Variants in ROBO2 observed in about 807,000 individuals in gnomAD.
The protein encoded by ROBO2 is roundabout guidance receptor 2, also known as roundabout homolog 2.
In ROBO2, 53 loss-of-function variants were observed where a neutral mutation model predicts 160.8. The observed-to-expected ratio is 0.33, with a 90% CI of 0.26 to 0.41. ROBO2 has a LOEUF of 0.41. Among genes scored for constraint, ROBO2 ranks in the 10% least tolerant of loss-of-function variants. ROBO2 has a pLI of 1.00. For synonymous variants in ROBO2, 664 were observed against 611.7 expected, an observed-to-expected ratio of 1.09 and a Z score of -1.26; for missense variants, 1,577 against 1,722.4, an observed-to-expected ratio of 0.92 and a Z score of 1.49.
chr3:76,592,026 C>T (rs6773013), intron 2 of ROBO2, among the ~76,000 whole-genome samples: 147,686 of 152,132 alleles, frequency 0.97, 71,844 homozygotes, highest in East Asian at 1. Context: ...GCTTAGGAAA[C>T]GTGTAAATAC....
intron 2 of ROBO2, among the ~76,000 whole-genome samples, chr3:77,441,595 A>G (rs932842266): frequency 2.0e-5 from 3 of 152,172 alleles, no homozygotes; most frequent in African/African-American, 7.2e-5. Context: ...AATGAGCTGT[A>G]CTGCATAAGA....
intron 2 of ROBO2, among the ~76,000 whole-genome samples, chr3:77,000,585 T>C (rs1211524015): frequency 6.6e-6 from 1 of 152,196 alleles, no homozygotes; most frequent in Non-Finnish European, 1.5e-5. Flanking sequence ...TCATGACTTT[T>C]TTTCTAAGCA....
intron 2 of ROBO2, among the ~76,000 whole-genome samples, chr3:76,997,490 T>G (rs1376840291): frequency 1.3e-5 from 2 of 152,190 alleles, no homozygotes; most frequent in Non-Finnish European, 2.9e-5. Context: ...CGTATGATGC[T>G]AAATTAGAAG....
chr3:77,030,893 C>G (rs1227624628), intron 2 of ROBO2, among the ~76,000 whole-genome samples: 1 of 152,052 alleles, frequency 6.6e-6, no homozygotes, highest in East Asian at 1.9e-4. Flanking sequence ...TTTGAAGGAC[C>G]CTATTCAACC....
At chr3:76,899,564 A>C (rs2148866014) in intron 2 of ROBO2, among the ~76,000 whole-genome samples, 1 of 152,316 alleles carries the variant, frequency 6.6e-6, no homozygotes, top group Non-Finnish European at 1.5e-5. Context: ...TTTCATAGAA[A>C]GGATAATGCT....
intron 2 of ROBO2, among the ~76,000 whole-genome samples, chr3:76,979,832 T>C (rs999375982): frequency 3.9e-5 from 6 of 152,088 alleles, no homozygotes; most frequent in African/African-American, 1.2e-4. Context: ...TTTCTTTTAT[T>C]GAGTGTAAAC....
chr3:77,026,452 G>A (rs984955622), intron 2 of ROBO2, among the ~76,000 whole-genome samples: 9 of 152,134 alleles, frequency 5.9e-5, no homozygotes, highest in African/African-American at 1.7e-4. Context: ...AGCATGATGG[G>A]TTAGACCAGA....
At chr3:76,868,287 C>T (rs547778689) in intron 2 of ROBO2, among the ~76,000 whole-genome samples, 4 of 152,160 alleles carry the variant, frequency 2.6e-5, no homozygotes, top group African/African-American at 7.2e-5. Flanking sequence ...ATCTGTCTAC[C>T]CAGTGACTAT....
At chr3:76,873,588 C>T (rs2072364356) in intron 2 of ROBO2, among the ~76,000 whole-genome samples, 1 of 151,954 alleles carries the variant, frequency 6.6e-6, no homozygotes, top group Admixed American at 6.6e-5. Context: ...TCGTCGTCGT[C>T]GTTGTCGTCG....
At chr3:75,976,690 A>G (rs1178313647) in intron 2 of ROBO2, among the ~76,000 whole-genome samples, 2 of 151,586 alleles carry the variant, frequency 1.3e-5, no homozygotes, top group Non-Finnish European at 3.0e-5. Context: ...ATTCATATTA[A>G]AAACCCAAAT....
chr3:76,351,812 T>C (rs1193572225), intron 2 of ROBO2, among the ~76,000 whole-genome samples: 1 of 151,986 alleles, frequency 6.6e-6, no homozygotes, highest in African/African-American at 2.4e-5. Context: ...TTTGAGTAAA[T>C]TACTTAACCT....
intron 2 of ROBO2, among the ~76,000 whole-genome samples, chr3:76,603,343 AAAAAAAAAAT>A (rs2087341851): frequency 1.2e-4 from 9 of 75,544 alleles, no homozygotes; most frequent in Admixed American, 3.3e-4. Context: ...AAAAAAAAAA[AAAAAAAAAAT>A]ATATATATAT....
intron 2 of ROBO2, among the ~76,000 whole-genome samples, chr3:77,263,874 A>G (rs1438971273): frequency 2.0e-5 from 3 of 152,220 alleles, no homozygotes; most frequent in Non-Finnish European, 2.9e-5. Context: ...GCATGCACAC[A>G]CACACACATA....
At chr3:77,195,685 C>A (rs1382746135) in intron 2 of ROBO2, among the ~76,000 whole-genome samples, 1 of 152,112 alleles carries the variant, frequency 6.6e-6, no homozygotes, top group East Asian at 1.9e-4. Context: ...TTTAGACTTC[C>A]AGATATAGCT....
chr3:77,198,698 C>T (rs1164744905), intron 2 of ROBO2, among the ~76,000 whole-genome samples: 2 of 152,072 alleles, frequency 1.3e-5, no homozygotes, highest in Non-Finnish European at 2.9e-5. Context: ...GTCAGGAATT[C>T]TAGACTAGCC....
chr3:76,854,062 C>CTT (rs2069755465), intron 2 of ROBO2, among the ~76,000 whole-genome samples: 2 of 69,656 alleles, frequency 2.9e-5, no homozygotes, highest in Admixed American at 1.5e-4. Flanking sequence ...CTCTCTCTCT[C>CTT]TCTCTTTCTC....
chr3:76,192,334 G>A (rs1458672229), intron 2 of ROBO2, among the ~76,000 whole-genome samples: 1 of 151,820 alleles, frequency 6.6e-6, no homozygotes, highest in Admixed American at 6.6e-5. Context: ...ATTTTCTAAA[G>A]TTACTATTCC....
At chr3:77,198,678 A>C (rs2082532783) in intron 2 of ROBO2, among the ~76,000 whole-genome samples, 1 of 152,280 alleles carries the variant, frequency 6.6e-6, no homozygotes, top group South Asian at 2.1e-4. Flanking sequence ...AGGTGGGCGG[A>C]TCATCTGAGG....
intron 2 of ROBO2, among the ~76,000 whole-genome samples, chr3:77,022,373 A>AGAAG (rs2062692106): frequency 6.6e-6 from 1 of 152,192 alleles, no homozygotes; most frequent in African/African-American, 2.4e-5. Context: ...GTGTCTCAAA[A>AGAAG]CAAGCAAACA....
Sources: gnomAD v4.1 joint callset for allele counts (sites outside exome capture counted in the v4.1 genomes callset) on GRCh38, gnomAD v4.1.1 for gene constraint, MANE v1.5 for transcripts, NCBI Gene and HGNC (gene_info 2026-07-23, HGNC 2026-07-21) for gene names.